Variants in TAFA4 observed in about 807,000 individuals in gnomAD.
The protein encoded by TAFA4 is chemokine-like protein TAFA-4.
TAFA4 carries 20 observed loss-of-function variants against 21.1 expected under a neutral mutation model. That is an observed-to-expected ratio of 0.95 (90% confidence interval 0.67 to 1.38). The LOEUF (loss-of-function observed/expected upper bound fraction) is 1.38. TAFA4 is among the 40% of genes most tolerant of loss of function. The pLI, the probability that TAFA4 is intolerant of heterozygous loss-of-function variation, is 0.00. For missense variants in TAFA4, 211 were observed against 180.9 expected (o/e 1.17, Z -0.95); for synonymous variants, 71 against 67.4 (o/e 1.05, Z -0.26).
chr3:68,830,579 A>G (rs1456933356), intron 3 of TAFA4, among the ~76,000 whole-genome samples: 1 of 152,164 alleles, frequency 6.6e-6, no homozygotes, highest in Non-Finnish European at 1.5e-5. Context: ...CTGTTCTTTT[A>G]CATTTGCTGA....
intron 3 of TAFA4, among the ~76,000 whole-genome samples, chr3:68,799,640 G>A (rs962655641): frequency 7.2e-5 from 11 of 152,160 alleles, no homozygotes; most frequent in African/African-American, 2.7e-4. Context: ...AGGAGGATCA[G>A]TCAGGAAGAA....
intron 3 of TAFA4, among the ~76,000 whole-genome samples, chr3:68,863,086 A>C (rs1170483541): frequency 1.3e-5 from 2 of 151,678 alleles, no homozygotes; most frequent in African/African-American, 4.8e-5. Flanking sequence ...AAAAAAAAAA[A>C]AATTAGCCAG....
intron 1 of TAFA4, among the ~76,000 whole-genome samples, chr3:68,914,607 C>T (rs1194307626): frequency 6.6e-6 from 1 of 152,186 alleles, no homozygotes; most frequent in Non-Finnish European, 1.5e-5. Flanking sequence ...GCTACAACAT[C>T]AAACTCGTTA....
intron 3 of TAFA4, among the ~76,000 whole-genome samples, chr3:68,880,267 A>G (rs1479046974): frequency 1.3e-5 from 2 of 152,174 alleles, no homozygotes; most frequent in Non-Finnish European, 2.9e-5. Flanking sequence ...ATCATGTAGC[A>G]TATTTTCTCC....
At chr3:68,758,204 C>A (rs905515105) in intron 3 of TAFA4, among the ~76,000 whole-genome samples, 19 of 152,288 alleles carry the variant, frequency 1.2e-4, no homozygotes, top group African/African-American at 3.4e-4. Flanking sequence ...CTGACAACAT[C>A]TTTTTCAATT....
intron 1 of TAFA4, among the ~76,000 whole-genome samples, chr3:68,928,356 A>G (rs989119807): frequency 2.0e-5 from 3 of 152,208 alleles, no homozygotes; most frequent in Admixed American, 2.0e-4. Context: ...TGTTGTACCA[A>G]ATTATTGGCT....
At position 68,911,550 on chromosome 3, in the gene TAFA4, G is replaced by T. The variant is rs75664901; in HGVS notation, c.-123+20690C>A. Among the ~76,000 whole-genome samples, 937 of 152,210 alleles carry T rather than the reference G, an allele frequency of 6.2e-3. 18 individuals are homozygous for T. Among genetic ancestry groups the T allele is most frequent in the African/African-American group, 0.022 (909 of 41,542 alleles). On this transcript the variant is annotated intron_variant, in intron 1 of 5. Coordinates refer to ENST00000295569, the MANE Select transcript of TAFA4 (RefSeq NM_182522.5). ...TGATTTGCTCAAGGCCACACAAATC[G>T]CCCAAACCAATCATTTGTTCAAAAA...
At chr3:68,922,002 G>A (rs2090064722) in intron 1 of TAFA4, among the ~76,000 whole-genome samples, 1 of 152,048 alleles carries the variant, frequency 6.6e-6, no homozygotes, top group Non-Finnish European at 1.5e-5. Flanking sequence ...CTGATCCAAC[G>A]AACATTTAAT....
In TAFA4 at chr3:68,901,964, G is replaced by T. The variant is rs568272895; in HGVS notation, c.-122-16654C>A. ...CCGTCCAATGTTCAAATGAGGCATGGTATAGTGAAGGGCTCTGTAAATTGC... is the reference window on the plus strand; with the variant it reads ...CCGTCCAATGTTCAAATGAGGCATGTTATAGTGAAGGGCTCTGTAAATTGC... On this transcript the variant is annotated intron_variant, in intron 1 of 5. Coordinates refer to ENST00000295569, the MANE Select transcript of TAFA4 (RefSeq NM_182522.5). 3.9e-5 allele frequency among the ~76,000 whole-genome samples: 6 copies of T among 152,308 alleles called. No homozygotes were observed. The South Asian group carries it at 8.3e-4, about 21-fold the overall frequency.
chr3:68,756,904 G>C (rs1403246687), intron 3 of TAFA4, among the ~76,000 whole-genome samples: 2 of 152,188 alleles, frequency 1.3e-5, no homozygotes, highest in Non-Finnish European at 2.9e-5. Flanking sequence ...GAGCAGAAAA[G>C]TAAGGGCTGG....
In TAFA4 at chr3:68,755,332, G is replaced by A. The variant is rs115852366; in HGVS notation, c.131-2314C>T. 6.8e-3 allele frequency among the ~76,000 whole-genome samples: 1,028 copies of A among 152,292 alleles called. 11 individuals carry two copies. Among genetic ancestry groups the A allele is most frequent in the African/African-American group, 0.023 (950 of 41,548 alleles). Reference sequence around the variant, plus strand: ...TAACTTAATGCAAAGAAACTTTACTGGAAGATCAGGAGTTTGTAGAACAAA... The same window carrying A: ...TAACTTAATGCAAAGAAACTTTACTAGAAGATCAGGAGTTTGTAGAACAAA... On this transcript the variant is annotated intron_variant, in intron 3 of 5. Transcript: ENST00000295569.
At chr3:68,861,472 G>C (rs2089343118) in intron 3 of TAFA4, among the ~76,000 whole-genome samples, 1 of 151,870 alleles carries the variant, frequency 6.6e-6, no homozygotes, top group Non-Finnish European at 1.5e-5. Context: ...ACAAAACCAA[G>C]ACACCTGCCC....
At chr3:68,843,452 T>C (rs1471589108) in intron 3 of TAFA4, among the ~76,000 whole-genome samples, 2 of 152,228 alleles carry the variant, frequency 1.3e-5, no homozygotes, top group South Asian at 2.1e-4. Context: ...AAATAGACAA[T>C]CATGTCATCT....
intron 3 of TAFA4, among the ~76,000 whole-genome samples, chr3:68,842,407 A>T (rs1361285030): frequency 6.6e-6 from 1 of 152,052 alleles, no homozygotes; most frequent in East Asian, 1.9e-4. Flanking sequence ...TTATTCTTGT[A>T]AATTTGTTTA....
At chr3:68,848,585 T>C (rs1704867374) in intron 3 of TAFA4, among the ~76,000 whole-genome samples, 1 of 152,212 alleles carries the variant, frequency 6.6e-6, no homozygotes, top group African/African-American at 2.4e-5. Flanking sequence ...AATGATACCA[T>C]GCACTTGGAT....
intron 3 of TAFA4, among the ~76,000 whole-genome samples, chr3:68,785,683 C>A (rs533105070): frequency 1.3e-5 from 2 of 152,366 alleles, no homozygotes; most frequent in East Asian, 3.9e-4. Context: ...GGAGACGGCT[C>A]CGGCCTTGGC....
chr3:68,775,098 G>A (rs979306005), intron 3 of TAFA4, among the ~76,000 whole-genome samples: 3 of 152,164 alleles, frequency 2.0e-5, no homozygotes, highest in African/African-American at 7.2e-5. Context: ...GGGAAGAAAC[G>A]GTAGCTGCTA....
intron 1 of TAFA4, among the ~76,000 whole-genome samples, chr3:68,924,614 G>A (rs1030985781): frequency 6.6e-6 from 1 of 152,064 alleles, no homozygotes; most frequent in African/African-American, 2.4e-5. Context: ...ACTTGAAAAC[G>A]GTTAAAATGA....
chr3:68,849,497 G>T (rs985601917), intron 3 of TAFA4, among the ~76,000 whole-genome samples: 10 of 152,184 alleles, frequency 6.6e-5, no homozygotes, highest in Admixed American at 1.3e-4. Context: ...ACACAGATCA[G>T]CAGAGGCACC....
Sources: gnomAD v4.1 joint callset for allele counts (sites outside exome capture counted in the v4.1 genomes callset) on GRCh38, gnomAD v4.1.1 for gene constraint, MANE v1.5 for transcripts, NCBI Gene and HGNC (gene_info 2026-07-23, HGNC 2026-07-21) for gene names.